The following SLC41A2 variants were observed in gnomAD, a reference collection of about 807,000 sequenced individuals.
SLC41A2 encodes the protein solute carrier family 41 member 2.
Under a neutral mutation model 58.3 loss-of-function variants are expected in SLC41A2, and 32 were observed. The observed-to-expected ratio is 0.55, with a 90% confidence interval of 0.41 to 0.74. SLC41A2 has a LOEUF of 0.74. SLC41A2 is among the 30% of genes least tolerant of loss of function. SLC41A2 has a pLI of 0.00. For missense variants in SLC41A2, 514 were observed against 680.6 expected (o/e 0.76, Z 2.72); for synonymous variants, 190 against 235.0 (o/e 0.81, Z 1.75).
Position 104,807,125 on chromosome 12 carries a change from C to T in SLC41A2, c.1537-1788G>A, listed in dbSNP as rs1199090434. Among the ~76,000 whole-genome samples the T allele has an allele frequency of 5.3e-5, 8 of 152,298 alleles. No individual in the cohort carries two copies. In the East Asian group the frequency reaches 1.3e-3, roughly 26 times the overall value. On this transcript the variant is annotated intron_variant, in intron 10 of 10. Coordinates refer to ENST00000258538, the MANE Select transcript of SLC41A2 (RefSeq NM_001352171.3). Reference sequence around the variant, plus strand: ...TTGCCATTGCTTTTGGTGTTTTAGACGTGAAGTCCTTGCCCATGCCAATGT... The same window carrying T: ...TTGCCATTGCTTTTGGTGTTTTAGATGTGAAGTCCTTGCCCATGCCAATGT...
chr12:104,880,852 T>C (rs1269219659), intron 6 of SLC41A2, among the ~76,000 whole-genome samples: 4 of 152,098 alleles, frequency 2.6e-5, no homozygotes, highest in Non-Finnish European at 5.9e-5. Flanking sequence ...GGGAGGATTC[T>C]CTCTTTTCTA....
chr12:104,924,184 A>G (rs2046732068), intron 2 of SLC41A2, among the ~76,000 whole-genome samples: 1 of 152,238 alleles, frequency 6.6e-6, no homozygotes, highest in African/African-American at 2.4e-5. Flanking sequence ...ATCATTAGTT[A>G]TCACAGAAAT....
Position 104,844,541 on chromosome 12 carries a change from C to G in SLC41A2, c.1467G>C (p.Leu489Phe). Reference protein sequence around the residue: ...GHLIFLYTIHLMKSGHTSLTI... With the variant: ...GHLIFLYTIHFMKSGHTSLTI... ...TTAAAGAAGTATGACCACTTTTCAT[C>G]AAATGAATAGTGTAGAGGAAAATTA... Residue 489 changes from leucine to phenylalanine, a missense_variant, in exon 10 of 11, where the codon TTG (leucine) becomes TTC (phenylalanine). Leu to Phe is a conservative substitution (Grantham distance 22). Transcript: ENST00000258538. 6.4e-7 allele frequency: 1 copy of G among 1,569,378 alleles called. No homozygotes were observed. Among genetic ancestry groups the G allele is most frequent in the East Asian group, 2.3e-5 (1 of 43,116 alleles).
At chr12:104,853,911 A>ATTTTTTTTTTCTTTTTTT (rs2042908473) in intron 8 of SLC41A2, among the ~76,000 whole-genome samples, 1 of 59,494 alleles carries the variant, frequency 1.7e-5, no homozygotes, top group African/African-American at 6.9e-5. Flanking sequence ...TGCCTGGCTG[A>ATTTTTTTTTTCTTTTTTT]TTTTTTTTTT....
At chr12:104,919,519 T>C (rs2046490649) in intron 2 of SLC41A2, among the ~76,000 whole-genome samples, 2 of 152,226 alleles carry the variant, frequency 1.3e-5, no homozygotes, top group African/African-American at 4.8e-5. Context: ...GTGTTGTCAC[T>C]ATGTTTTATT....
chr12:104,933,360 A>G (rs1432319569), intron 1 of SLC41A2, among the ~76,000 whole-genome samples: 1 of 152,240 alleles, frequency 6.6e-6, no homozygotes, highest in Non-Finnish European at 1.5e-5. Context: ...AACTCCCATT[A>G]TTAAAATGTC....
intron 10 of SLC41A2, among the ~76,000 whole-genome samples, chr12:104,820,987 T>C (rs922479703): frequency 6.6e-6 from 1 of 152,330 alleles, no homozygotes; most frequent in African/African-American, 2.4e-5. Flanking sequence ...TTTTATTTAG[T>C]TCTAATGCGA....
chr12:104,874,421 A>T (rs893270899), intron 6 of SLC41A2, among the ~76,000 whole-genome samples: 2 of 152,146 alleles, frequency 1.3e-5, no homozygotes, highest in Non-Finnish European at 2.9e-5. Context: ...TCATTGCCAA[A>T]GTCAATGTCA....
intron 10 of SLC41A2, among the ~76,000 whole-genome samples, chr12:104,806,308 T>C (rs889167175): frequency 6.6e-6 from 1 of 150,850 alleles, no homozygotes; most frequent in Non-Finnish European, 1.5e-5. Context: ...AGTGAGAACA[T>C]GCAGCGTTTG....
At chr12:104,890,835 A>C (rs1219435051) in intron 4 of SLC41A2, among the ~76,000 whole-genome samples, 3 of 152,176 alleles carry the variant, frequency 2.0e-5, no homozygotes, top group Non-Finnish European at 4.4e-5. Flanking sequence ...ATCGTGAAGA[A>C]ATCTGTGACA....
chr12:104,863,955 CTT>C (rs35791974), intron 7 of SLC41A2, among the ~76,000 whole-genome samples: 2 of 144,146 alleles, frequency 1.4e-5, no homozygotes, highest in Admixed American at 6.9e-5. Context: ...ATCAATTCCA[CTT>C]TTTTTTTTTT....
intron 3 of SLC41A2, among the ~76,000 whole-genome samples, chr12:104,898,277 T>C (rs1387436507): frequency 6.6e-6 from 1 of 152,184 alleles, no homozygotes; most frequent in East Asian, 1.9e-4. Context: ...CTGCCATCTC[T>C]AGTTTTTATA....
intron 8 of SLC41A2, among the ~76,000 whole-genome samples, chr12:104,855,381 A>G (rs866608554): frequency 6.6e-6 from 1 of 152,182 alleles, no homozygotes; most frequent in Middle Eastern, 3.2e-3. Flanking sequence ...CTTCGCTATC[A>G]GAGTGACTAT....
At chr12:104,824,445 C>T (rs77257460) in intron 10 of SLC41A2, among the ~76,000 whole-genome samples, 9 of 152,112 alleles carry the variant, frequency 5.9e-5, no homozygotes, top group East Asian at 1.9e-4. Flanking sequence ...CCAAGCGGCC[C>T]GACTCCAGGG....
chr12:104,894,838 T>C (rs2045202390), intron 4 of SLC41A2, among the ~76,000 whole-genome samples: 1 of 152,200 alleles, frequency 6.6e-6, no homozygotes, highest in African/African-American at 2.4e-5. Flanking sequence ...GTATTGTTTA[T>C]ATTAATACTA....
chr12:104,950,552 G>A (rs564491066), intron 1 of SLC41A2, among the ~76,000 whole-genome samples: 6 of 152,208 alleles, frequency 3.9e-5, no homozygotes, highest in African/African-American at 7.2e-5. Flanking sequence ...TGTGAGAACG[G>A]ACTAACACAG....
chr12:104,895,285 C>A lies in SLC41A2; in HGVS notation c.724G>T (p.Ala242Ser). 1.2e-6 allele frequency: 2 copies of A among 1,612,854 alleles called. No homozygotes were observed. The highest frequency in any genetic ancestry group is 1.1e-5 in the South Asian group (1 of 91,034). Residue 242 changes from alanine (A) to serine (S), a missense_variant, in exon 4 of 11, where the codon GCT becomes TCT. Ala to Ser is a moderately conservative substitution (Grantham distance 99). Transcript: ENST00000258538. The stretch of plus-strand genomic sequence containing the variant: ...TGTGTACCACTTACCTGCTTTAAAG[C>A]CAAGTTGCCAATTATTAGGTTCCAC... The part of the protein sequence containing the change: ...EKWNLIIGNL[A>S]LKQVQATVVG...
At position 104,955,635 on chromosome 12, in the gene SLC41A2, C is replaced by CTTT. The variant is rs141198362; in HGVS notation, c.-168+2450_-168+2452dup. On this transcript the variant is annotated intron_variant, in intron 1 of 10. Coordinates refer to ENST00000258538, the MANE Select transcript of SLC41A2 (RefSeq NM_001352171.3). Reference sequence around the variant, plus strand: ...ACCTATCACAATGGTCCTGAATAGACTTTTTTTTACCACATTTTAACAAGT... The same window carrying CTTT: ...ACCTATCACAATGGTCCTGAATAGACTTTTTTTTTTTACCACATTTTAACAAGT... 2.0e-4 allele frequency among the ~76,000 whole-genome samples: 30 copies of CTTT among 151,978 alleles called. 1 individual carries two copies. Among genetic ancestry groups the CTTT allele is most frequent in the Middle Eastern group, 6.8e-3 (2 of 294 alleles).
rs569916856 is a variant in SLC41A2 at position 104,848,426 on chromosome 12, C to T, written c.1256-2452G>A. Among the ~76,000 whole-genome samples, 4 of 151,422 alleles carry T rather than the reference C, an allele frequency of 2.6e-5. No individual in the cohort carries two copies. The East Asian group carries it at 7.7e-4, about 29-fold the overall frequency. On this transcript the variant is annotated intron_variant, in intron 8 of 10. Coordinates refer to ENST00000258538, the MANE Select transcript of SLC41A2 (RefSeq NM_001352171.3). ...TTAAGAACCAAGAAAAAAAATTAAA[C>T]CAAAAGAAAGCATAAAGAGGGAATA...
Sources: allele counts gnomAD v4.1 joint callset (sites outside exome capture counted in the v4.1 genomes callset), GRCh38; gene constraint gnomAD v4.1.1; transcripts MANE v1.5; gene names NCBI Gene and HGNC (gene_info 2026-07-23, HGNC 2026-07-21).